Variants in FAM133B observed in about 807,000 individuals in gnomAD.
FAM133B encodes protein FAM133B.
Under a neutral mutation model 46.4 loss-of-function variants are expected in FAM133B, and 25 were observed. The ratio of observed to expected loss-of-function variants is 0.54; its 90% confidence interval spans 0.39 to 0.75. The LOEUF (loss-of-function observed/expected upper bound fraction) is 0.75. Among genes scored for constraint, FAM133B ranks in the 30% least tolerant of loss-of-function variants. The pLI is 0.00. For missense variants in FAM133B, 205 were observed against 277.6 expected (o/e 0.74, Z 1.86); for synonymous variants, 75 against 86.0 (o/e 0.87, Z 0.71).
chr7:92,571,831 C>T (rs193222001), intron 8 of FAM133B, among the ~76,000 whole-genome samples: 1 of 152,140 alleles, frequency 6.6e-6, no homozygotes, highest in Admixed American at 6.5e-5. Context: ...CAAGTTATAC[C>T]CAGGAACACG....
chr7:92,589,757 C>G (rs1795136703), intron 1 of FAM133B: 1 of 155,116 alleles, frequency 6.4e-6, no homozygotes, highest in Admixed American at 6.5e-5. Context: ...CGGGAGCCTG[C>G]TTGTCGCTAA....
At chr7:92,580,410 T>C (rs1295195951) in intron 2 of FAM133B, among the ~76,000 whole-genome samples, 2 of 152,104 alleles carry the variant, frequency 1.3e-5, no homozygotes, top group African/African-American at 4.8e-5. Flanking sequence ...ATCTGGAATT[T>C]TGGTACATGA....
intron 6 of FAM133B, 39 bp from the exon 7 acceptor site, chr7:92,577,234 CA>C: frequency 3.8e-6 from 5 of 1,326,920 alleles, no homozygotes; most frequent in Non-Finnish European, 5.0e-6. Context: ...CTTTCTGTCT[CA>C]AAAATCTAAT....
intron 1 of FAM133B, among the ~76,000 whole-genome samples, chr7:92,581,987 G>A (rs1030003728): frequency 6.6e-6 from 1 of 152,138 alleles, no homozygotes; most frequent in Non-Finnish European, 1.5e-5. Context: ...AGTGGCTCAC[G>A]CCTGTAACCC....
rs1216815310 is a variant in FAM133B at position 92,577,723 on chromosome 7, C to T, written c.310-6G>A. On this transcript the variant is annotated splice_region_variant and splice_polypyrimidine_tract_variant and intron_variant, in intron 5 of 10. Transcript: ENST00000445716. ...GATGAAGAAGAAGATGAATACTTGACCAAGCACAAAACAATTAAAGCTTGT... is the reference window on the plus strand; with the variant it reads ...GATGAAGAAGAAGATGAATACTTGATCAAGCACAAAACAATTAAAGCTTGT... 6.4e-7 allele frequency: 1 copy of T among 1,569,062 alleles called. No individual in the cohort carries two copies. The highest frequency in any genetic ancestry group is 8.6e-7 in the Non-Finnish European group (1 of 1,156,410).
chr7:92,584,204 G>A (rs1794974887), intron 1 of FAM133B, among the ~76,000 whole-genome samples: 1 of 152,096 alleles, frequency 6.6e-6, no homozygotes, highest in South Asian at 2.1e-4. Context: ...GAGCCACCGT[G>A]CCCAGTCAAT....
intron 8 of FAM133B, among the ~76,000 whole-genome samples, chr7:92,572,901 A>G (rs1044583918): frequency 3.3e-5 from 5 of 152,224 alleles, no homozygotes; most frequent in African/African-American, 1.2e-4. Flanking sequence ...AACAAACTTG[A>G]AAGTATCAGT....
chr7:92,586,289 C>A (rs1321501852), intron 1 of FAM133B, among the ~76,000 whole-genome samples: 1 of 152,146 alleles, frequency 6.6e-6, no homozygotes, highest in Non-Finnish European at 1.5e-5. Flanking sequence ...TTTTAAAGTG[C>A]ATCTTATGTT....
At chr7:92,572,316 A>G (rs1173216223) in intron 8 of FAM133B, among the ~76,000 whole-genome samples, 1 of 152,272 alleles carries the variant, frequency 6.6e-6, no homozygotes, top group African/African-American at 2.4e-5. Flanking sequence ...TTTATACACT[A>G]GCAAGAATGC....
At chr7:92,570,702 A>C (rs1414606652) in intron 8 of FAM133B, among the ~76,000 whole-genome samples, 1 of 152,192 alleles carries the variant, frequency 6.6e-6, no homozygotes, top group African/African-American at 2.4e-5. Context: ...CTTTTTATAT[A>C]GCGTGAGTCT....
rs758876067 is a variant in FAM133B at position 92,577,732 on chromosome 7, A to G, written c.310-15T>C. 1.3e-6 allele frequency: 2 copies of G among 1,560,838 alleles called. No homozygotes were observed. Among genetic ancestry groups the G allele is most frequent in the South Asian group, 1.2e-5 (1 of 82,836 alleles). On this transcript the variant is annotated splice_polypyrimidine_tract_variant and intron_variant, in intron 5 of 10. Transcript: ENST00000445716. ...GAAGATGAATACTTGACCAAGCACA[A>G]AACAATTAAAGCTTGTGAGATGCGA...
At chr7:92,581,742 T>C (rs1794878782) in intron 1 of FAM133B, 139 bp from the exon 2 acceptor site, 1 of 637,364 alleles carries the variant, frequency 1.6e-6, no homozygotes, top group Non-Finnish European at 2.7e-6. Context: ...AACTCTTTAT[T>C]CTAAAAAAAT....
At chr7:92,579,201 G>T in intron 3 of FAM133B, 116 bp downstream of exon 3, 1 of 784,662 alleles carries the variant, frequency 1.3e-6, no homozygotes, top group Non-Finnish European at 2.1e-6. Context: ...TGTTGCCCAG[G>T]CTGGTCATGA....
In FAM133B at chr7:92,561,033, G is replaced by A. The variant is rs950924497; in HGVS notation, c.*1249C>T. 6.6e-6 allele frequency: 1 copy of A among 152,594 alleles called. No homozygotes were observed. The allele number at this position is 152,594 out of a possible 1,614,324, so 9.5% of individuals were successfully genotyped here. A position where few individuals can be genotyped will look rare whatever the true frequency, so the allele number is the denominator to read the frequency against. The stretch of plus-strand genomic sequence containing the variant: ...ATCTTAGTAAAATATGACACAGGGA[G>A]AGCAATAATGTAACTCTTATTTAAA... On this transcript the variant is annotated 3_prime_UTR_variant, in exon 11 of 11. Transcript: ENST00000445716.
intron 1 of FAM133B, among the ~76,000 whole-genome samples, chr7:92,585,813 CA>C (rs1213826869): frequency 1.3e-5 from 2 of 151,918 alleles, no homozygotes; most frequent in Non-Finnish European, 2.9e-5. Context: ...CTTTATAAAA[CA>C]AAAAATGTAA....
chr7:92,579,132 T>C (rs1282670593), intron 3 of FAM133B, 185 bp downstream of exon 3: 2 of 564,954 alleles, frequency 3.5e-6, no homozygotes, highest in African/African-American at 3.9e-5. Flanking sequence ...TATGCCCAAA[T>C]ACTTAAGGTA....
At chr7:92,578,114 T>C (rs370522197) in intron 5 of FAM133B, 36 bp downstream of exon 5, 2 of 1,569,310 alleles carry the variant, frequency 1.3e-6, no homozygotes. Context: ...TGGCTCTTAA[T>C]TGTAACGTTT....
intron 7 of FAM133B, 72 bp from the exon 8 acceptor site, chr7:92,575,893 C>T: frequency 3.2e-6 from 2 of 627,264 alleles, no homozygotes; most frequent in East Asian, 3.1e-5. Flanking sequence ...ACAAAAACAC[C>T]CAAAAAGTGA....
At position 92,578,403 on chromosome 7, in the gene FAM133B, G is replaced by T. The variant is rs2116406459; in HGVS notation, c.202-10C>A. 3 of 1,610,500 alleles carry T rather than the reference G, an allele frequency of 1.9e-6. No individual in the cohort carries two copies. Reference sequence around the variant, plus strand: ...GTTCTTTCTTCCAGTTCTGCAAAAAGGTTATGAACACCATCAGAGACTATC... The same window carrying T: ...GTTCTTTCTTCCAGTTCTGCAAAAATGTTATGAACACCATCAGAGACTATC... On this transcript the variant is annotated splice_polypyrimidine_tract_variant and intron_variant, in intron 3 of 10. Coordinates refer to ENST00000445716, the MANE Select transcript of FAM133B (RefSeq NM_152789.4).
Sources: allele counts gnomAD v4.1 joint callset (sites outside exome capture counted in the v4.1 genomes callset), GRCh38; gene constraint gnomAD v4.1.1; transcripts MANE v1.5; gene names NCBI Gene and HGNC (gene_info 2026-07-23, HGNC 2026-07-21).